The following PJVK variants were observed in gnomAD, a reference collection of about 807,000 sequenced individuals.
PJVK encodes pejvakin.
A neutral mutation model predicts 37.6 loss-of-function variants in PJVK; 33 were observed. The ratio of observed to expected loss-of-function variants is 0.88; its 90% confidence interval spans 0.67 to 1.17. The LOEUF (loss-of-function observed/expected upper bound fraction) is 1.17. PJVK is among the 50% of genes most tolerant of loss of function. The pLI is 0.00. For synonymous variants in PJVK, 141 were observed against 143.5 expected (o/e 0.98, Z 0.13); for missense variants, 410 against 413.8 (o/e 0.99, Z 0.08).
Position 178,460,399 on chromosome 2 carries a change from C to A in PJVK, c.719C>A (p.Ala240Glu). 1 of 1,613,960 alleles carries A rather than the reference C, an allele frequency of 6.2e-7. No individual in the cohort carries two copies. Among genetic ancestry groups the A allele is most frequent in the South Asian group, 1.1e-5 (1 of 91,086 alleles). Residue 240 changes from alanine to glutamate, a missense_variant, in exon 6 of 7, where the codon GCA becomes GAA. Ala to Glu is a moderately radical substitution (Grantham distance 107). Coordinates refer to ENST00000644580, the MANE Select transcript of PJVK (RefSeq NM_001042702.5). Reference sequence around the variant, plus strand: ...GGAGGATTTGAAAGGGAAGAAACGGCAACATTTGCACTGCTGTACAGGTTG... The same window carrying A: ...GGAGGATTTGAAAGGGAAGAAACGGAAACATTTGCACTGCTGTACAGGTTG... ...SKGGFEREET[A>E]TFALLYRLRN...
chr2:178,454,753 C>G, intron 3 of PJVK: 1 of 1,574,700 alleles, frequency 6.4e-7, no homozygotes, highest in Non-Finnish European at 8.6e-7. Context: ...AAGGAGCTAA[C>G]TGATGAAGAG....
intron 3 of PJVK, chr2:178,454,753 C>A (rs1355889823): frequency 6.4e-7 from 1 of 1,574,700 alleles, no homozygotes; most frequent in Non-Finnish European, 8.6e-7. Context: ...AAGGAGCTAA[C>A]TGATGAAGAG....
chr2:178,461,524 A>G lies in PJVK; in HGVS notation c.*250A>G. 1 of 417,790 alleles carries G rather than the reference A, an allele frequency of 2.4e-6. No individual in the cohort carries two copies. The highest frequency in any genetic ancestry group is 4.3e-6 in the Non-Finnish European group (1 of 230,244). 25.9% of individuals were successfully genotyped at this position (417,790 alleles called of 1,614,324 possible). On this transcript the variant is annotated 3_prime_UTR_variant, in exon 7 of 7. Transcript: ENST00000644580. ...GATTTACATATAAAATTCAGAGATT[A>G]TGAATCATGCCAGTCACTTTAGAAT...
intron 3 of PJVK, 156 bp downstream of exon 3, chr2:178,454,683 GAATA>G: frequency 1.4e-6 from 2 of 1,466,086 alleles, no homozygotes; most frequent in Non-Finnish European, 1.9e-6. Context: ...TCCAAACTTT[GAATA>G]AGGATAGATA....
chr2:178,455,127 C>A, intron 3 of PJVK: 1 of 1,600,436 alleles, frequency 6.2e-7, no homozygotes, highest in South Asian at 1.1e-5. Context: ...GAGGAGAGCT[C>A]GTGGCTCATT....
chr2:178,460,019 A>T, intron 5 of PJVK: 1 of 251,810 alleles, frequency 4.0e-6, no homozygotes, highest in Non-Finnish European at 7.9e-6. Context: ...TTTTATACAC[A>T]TACATGTATA....
intron 3 of PJVK, 47 bp from the exon 4 acceptor site, chr2:178,455,963 G>T: frequency 6.3e-7 from 1 of 1,599,920 alleles, no homozygotes; most frequent in Non-Finnish European, 8.5e-7. Flanking sequence ...TTGATTATGT[G>T]TAATTAGATG....
chr2:178,458,727 C>A, intron 5 of PJVK, 100 bp downstream of exon 5: 1 of 1,017,512 alleles, frequency 9.8e-7, no homozygotes, highest in Non-Finnish European at 1.6e-6. Flanking sequence ...TTTCTCGTGT[C>A]TAACAATTAT....
Position 178,451,710 on chromosome 2 carries a change from C to G in PJVK, c.-82C>G. The G allele has an allele frequency of 6.4e-6, 6 of 944,350 alleles. No individual in the cohort carries two copies. The highest frequency in any genetic ancestry group is 7.6e-6 in the Non-Finnish European group (6 of 792,542). The allele number at this position is 944,350 out of a possible 1,614,324, so 58.5% of individuals were successfully genotyped here. A position where few individuals can be genotyped will look rare whatever the true frequency, so the allele number is the denominator to read the frequency against. ...ACGCGGGGACGTCCAAACACCCGCT[C>G]CTCTCCCGCCGGGCGGGCTCCTTTG... On this transcript the variant is annotated 5_prime_UTR_variant, in exon 1 of 7. Transcript: ENST00000644580.
At chr2:178,456,292 C>A in intron 4 of PJVK, 141 bp downstream of exon 4, 10 of 995,238 alleles carry the variant, frequency 1.0e-5, no homozygotes, top group African/African-American at 1.6e-5. Flanking sequence ...TTTTGCACAG[C>A]AATGTCTGTT....
At chr2:178,456,461 T>G (rs1684093665) in intron 4 of PJVK, among the ~76,000 whole-genome samples, 1 of 152,088 alleles carries the variant, frequency 6.6e-6, no homozygotes, top group South Asian at 2.1e-4. Flanking sequence ...GAATTGATTT[T>G]ATTTTTAAGT....
intron 1 of PJVK, chr2:178,452,872 A>T (rs1697785737): frequency 6.2e-6 from 1 of 161,182 alleles, no homozygotes; most frequent in African/African-American, 2.4e-5. Context: ...TGGAAAATGA[A>T]TGAAATGCTC....
intron 6 of PJVK, 23 bp from the exon 7 acceptor site, chr2:178,460,959 C>G (rs753320310): frequency 3.2e-6 from 5 of 1,570,860 alleles, no homozygotes; most frequent in Non-Finnish European, 3.5e-6. Flanking sequence ...TAACACATTT[C>G]TTTTCTGTTT....
At chr2:178,454,701 A>C in intron 3 of PJVK, 174 bp downstream of exon 3, 3 of 1,514,094 alleles carry the variant, frequency 2.0e-6, no homozygotes, top group Non-Finnish European at 2.7e-6. Context: ...ATAGATATCA[A>C]AAATCACTTG....
chr2:178,455,128 G>T (rs982098963), intron 3 of PJVK: 16 of 1,600,484 alleles, frequency 1.0e-5, no homozygotes, highest in Non-Finnish European at 1.4e-5. Context: ...AGGAGAGCTC[G>T]TGGCTCATTG....
chr2:178,455,116 G>A (rs932624471), intron 3 of PJVK: 102 of 1,598,360 alleles, frequency 6.4e-5, no homozygotes, highest in Middle Eastern at 3.9e-4. Flanking sequence ...AAGTGAAGGC[G>A]GAGGAGAGCT....
In PJVK at chr2:178,460,993, A is replaced by G. The variant is rs201237972; in HGVS notation, c.778A>G (p.Met260Val). The change falls in exon 7 of 7, where the codon ATG becomes GTG. Residue 260 changes from methionine (M) to valine (V), a missense_variant. Physicochemically the swap from Met to Val is conservative, Grantham distance 21 (BLOSUM62 1). Coordinates refer to ENST00000644580, the MANE Select transcript of PJVK (RefSeq NM_001042702.5). The stretch of plus-strand genomic sequence containing the variant: ...TTTTGTCCTTTTAGATAGAAGAGTG[A>G]TGGATGTCATTTCTCGTTCACAGCT... The part of the protein sequence containing the change: ...NILFERNRRV[M>V]DVISRSQLYL... The G allele has an allele frequency of 5.8e-4, 937 of 1,613,064 alleles. 19 individuals are homozygous for G. The South Asian group carries it at 9.6e-3, about 16-fold the overall frequency.
chr2:178,453,407 A>G lies in PJVK; in HGVS notation c.-3A>G. 1 of 1,614,014 alleles carries G rather than the reference A, an allele frequency of 6.2e-7. No individual in the cohort carries two copies. ...TTGCAGTTGATGACGTTTTGATTTT[A>G]ATATGTTTGCTGCTGCTACCAAGAG... On this transcript the variant is annotated 5_prime_UTR_variant, in exon 2 of 7. Coordinates refer to ENST00000644580, the MANE Select transcript of PJVK (RefSeq NM_001042702.5).
chr2:178,453,142 G>T (rs1200789234), intron 1 of PJVK: 2 of 416,916 alleles, frequency 4.8e-6, no homozygotes, highest in Non-Finnish European at 8.9e-6. Flanking sequence ...TTAGTTTTCT[G>T]TGTATATTTT....
Sources: allele counts gnomAD v4.1 joint callset (sites outside exome capture counted in the v4.1 genomes callset), GRCh38; gene constraint gnomAD v4.1.1; transcripts MANE v1.5; gene names NCBI Gene and HGNC (gene_info 2026-07-23, HGNC 2026-07-21).